Variants in SYNE1 observed in about 807,000 individuals in gnomAD.
SYNE1 encodes the protein nesprin-1.
Under a neutral mutation model 1,111.0 loss-of-function variants are expected in SYNE1, and 616 were observed. The ratio of observed to expected loss-of-function variants is 0.55; its 90% CI spans 0.52 to 0.59. The LOEUF is 0.59. SYNE1 is among the 20% of genes least tolerant of loss of function. SYNE1 has a pLI of 0.00. For missense variants in SYNE1, 10,006 were observed against 10,417.0 expected, an observed-to-expected ratio of 0.96 and a Z score of 1.72; for synonymous variants, 3,855 against 3,825.8, an observed-to-expected ratio of 1.01 and a Z score of -0.28.
intron 14 of SYNE1, among the ~76,000 whole-genome samples, chr6:152,481,971 G>A (rs372403522): frequency 9.2e-5 from 14 of 152,020 alleles, no homozygotes; most frequent in Admixed American, 2.0e-4. Flanking sequence ...GTTTGTCTGC[G>A]TTGGTGATTG....
At chr6:152,364,690 A>AAGGAGGAAGG (rs1277105380) in intron 63 of SYNE1, among the ~76,000 whole-genome samples, 157 bp downstream of exon 63, 6 of 89,686 alleles carry the variant, frequency 6.7e-5, no homozygotes, top group African/African-American at 2.3e-4. Flanking sequence ...AGGAAGGAGG[A>AAGGAGGAAGG]AGGAAGGAAG....
intron 21 of SYNE1, among the ~76,000 whole-genome samples, chr6:152,460,704 C>A (rs177331): frequency 1.3e-5 from 2 of 150,232 alleles, no homozygotes; most frequent in African/African-American, 4.9e-5. Context: ...TTCCAAAGCT[C>A]TTAAGGAAAA....
intron 3 of SYNE1, among the ~76,000 whole-genome samples, chr6:152,570,662 A>G (rs1564912713): frequency 1.3e-5 from 2 of 152,194 alleles, no homozygotes; most frequent in Non-Finnish European, 2.9e-5. Context: ...TATTCCCACC[A>G]GGAAGCGGGT....
At chr6:152,438,842 C>A (rs2098500337) in intron 32 of SYNE1, among the ~76,000 whole-genome samples, 1 of 152,146 alleles carries the variant, frequency 6.6e-6, no homozygotes, top group East Asian at 1.9e-4. Flanking sequence ...AACAATGATT[C>A]TAGATTGGCA....
chr6:152,139,402 C>T (rs1562950744), intron 140 of SYNE1, among the ~76,000 whole-genome samples: 2 of 151,622 alleles, frequency 1.3e-5, no homozygotes, highest in African/African-American at 2.4e-5. Flanking sequence ...AAAACCCCAT[C>T]TCTACTAAAA....
chr6:152,475,505 AC>A (rs1165881701), intron 14 of SYNE1, among the ~76,000 whole-genome samples: 2 of 152,208 alleles, frequency 1.3e-5, no homozygotes, highest in Non-Finnish European at 2.9e-5. Flanking sequence ...TTGCTTTTGC[AC>A]CACTGTAAAG....
rs765658291 is a variant in SYNE1 at position 152,511,060 on chromosome 6, C to T, written c.353G>A (p.Arg118Gln). The change falls in exon 7 of 146, where the codon CGA (arginine) becomes CAA (glutamine). Residue 118 changes from arginine (R) to glutamine (Q), a missense_variant. Arg to Gln is a conservative substitution (Grantham distance 43). Coordinates refer to ENST00000367255, the MANE Select transcript of SYNE1 (RefSeq NM_182961.4). ...CATCAATCCAAGAACTATTGAGGGT[C>T]GGCCATCAGCTATATCGGTGGAGTT... ...NINSTDIADG[R>Q]PSIVLGLMWT... 3.7e-6 allele frequency: 6 copies of T among 1,613,872 alleles called. No homozygotes were observed. The highest frequency in any genetic ancestry group is 1.3e-5 in the African/African-American group (1 of 74,968).
intron 3 of SYNE1, among the ~76,000 whole-genome samples, chr6:152,602,260 GC>G (rs1428164643): frequency 6.6e-6 from 1 of 152,082 alleles, no homozygotes; most frequent in Non-Finnish European, 1.5e-5. Flanking sequence ...ATTAGGGTGG[GC>G]CCTAATCTAC....
At chr6:152,447,061 T>C (rs1248451973) in intron 29 of SYNE1, among the ~76,000 whole-genome samples, 1 of 152,232 alleles carries the variant, frequency 6.6e-6, no homozygotes, top group Non-Finnish European at 1.5e-5. Flanking sequence ...AGATGTTACG[T>C]AAGTTGAAGG....
chr6:152,339,332 C>T lies in SYNE1; in HGVS notation c.12260G>A (p.Arg4087Lys). 1 of 1,613,968 alleles carries T rather than the reference C, an allele frequency of 6.2e-7. No individual in the cohort carries two copies. ...KHFRALQEQARTYLDLLCSMC... is the reference protein window; with the variant it reads ...KHFRALQEQAKTYLDLLCSMC... The stretch of plus-strand genomic sequence containing the variant: ...GGAGCAAAGGAGATCTAGGTAGGTC[C>T]TTGCCTGCTCTTGCAAAGCTCTGAA... The change falls in exon 75 of 146, where the codon AGG (arginine) becomes AAG (lysine). Residue 4087 changes from arginine (R) to lysine (K), a missense_variant. By Grantham distance (26) the Arg-to-Lys change is conservative. Around this residue, in one of 7 missense-constraint regions of SYNE1, gnomAD observed 4,955 missense variants for 5,017.2 expected, o/e 0.99. Transcript: ENST00000367255.
intron 118 of SYNE1, 97 bp downstream of exon 118, chr6:152,221,329 T>C: frequency 6.9e-7 from 1 of 1,443,410 alleles, no homozygotes; most frequent in Non-Finnish European, 9.6e-7. Flanking sequence ...GAATAGAATC[T>C]ATATAGCTCA....
At chr6:152,276,876 C>CT (rs2093657901) in intron 98 of SYNE1, among the ~76,000 whole-genome samples, 1 of 145,294 alleles carries the variant, frequency 6.9e-6, no homozygotes, top group Non-Finnish European at 1.5e-5. Context: ...AAACTCTGCA[C>CT]TCTTTTTTTT....
At chr6:152,486,472 C>T (rs967857348) in intron 12 of SYNE1, among the ~76,000 whole-genome samples, 1 of 152,156 alleles carries the variant, frequency 6.6e-6, no homozygotes, top group Middle Eastern at 3.2e-3. Flanking sequence ...TTTCTGTTTT[C>T]CTAAGCCTTT....
At chr6:152,241,781 G>A (rs1034482020) in intron 107 of SYNE1, among the ~76,000 whole-genome samples, 7 of 152,154 alleles carry the variant, frequency 4.6e-5, no homozygotes, top group African/African-American at 1.7e-4. Context: ...CTAGAGGAGA[G>A]CAAGGAGTGA....
chr6:152,582,997 G>A (rs186844152), intron 3 of SYNE1, among the ~76,000 whole-genome samples: 119 of 152,234 alleles, frequency 7.8e-4, no homozygotes, highest in African/African-American at 2.5e-3. Context: ...ATCATGAAGT[G>A]CTATTAAAAT....
chr6:152,571,897 T>G (rs1161878491), intron 3 of SYNE1, among the ~76,000 whole-genome samples: 2 of 152,220 alleles, frequency 1.3e-5, no homozygotes, highest in Non-Finnish European at 2.9e-5. Flanking sequence ...TCAATGCATT[T>G]TTTAAATTTT....
intron 3 of SYNE1, among the ~76,000 whole-genome samples, chr6:152,621,556 C>T (rs1005037242): frequency 2.7e-5 from 4 of 150,644 alleles, no homozygotes; most frequent in Admixed American, 6.6e-5. Flanking sequence ...TGACTGCTTG[C>T]CATAATTTAG....
chr6:152,346,741 C>G (rs1021771512), intron 73 of SYNE1, among the ~76,000 whole-genome samples: 1 of 151,994 alleles, frequency 6.6e-6, no homozygotes, highest in Non-Finnish European at 1.5e-5. Context: ...ACCTGGGAGG[C>G]GGAGCTTGCA....
At chr6:152,125,683 CCTGA>C (rs932148884) in intron 145 of SYNE1, 25 of 207,220 alleles carry the variant, frequency 1.2e-4, no homozygotes, top group African/African-American at 5.5e-4. Flanking sequence ...TTATTAAATA[CCTGA>C]CTAATTTTCA....
Sources: allele counts gnomAD v4.1 joint callset (sites outside exome capture counted in the v4.1 genomes callset), GRCh38; gene constraint gnomAD v4.1.1; regional missense constraint gnomAD v4.1.1; transcripts MANE v1.5; gene names NCBI Gene and HGNC (gene_info 2026-07-23, HGNC 2026-07-21).